The following IL12B variants were observed in gnomAD, a reference collection of about 807,000 sequenced individuals.
The protein encoded by IL12B is interleukin-12 subunit beta.
Under a neutral mutation model 39.2 loss-of-function variants are expected in IL12B, and 27 were observed. That is an observed-to-expected ratio of 0.69 (90% CI 0.51 to 0.95). The LOEUF is 0.95. IL12B is among the 40% of genes least tolerant of loss of function. The pLI, the probability that IL12B is intolerant of heterozygous loss-of-function variation, is 0.00. For missense variants in IL12B, 351 were observed against 397.6 expected (o/e 0.88, Z 1.00); for synonymous variants, 142 against 152.1 (o/e 0.93, Z 0.49).
chr5:159,322,595 T>G, intron 3 of IL12B, 84 bp from the exon 4 acceptor site: 1 of 886,138 alleles, frequency 1.1e-6, no homozygotes, highest in South Asian at 1.3e-5. Flanking sequence ...GATCACCAGA[T>G]GGTACAGGGT....
At chr5:159,324,610 G>T (rs1158549053) in intron 2 of IL12B, among the ~76,000 whole-genome samples, 1 of 152,212 alleles carries the variant, frequency 6.6e-6, no homozygotes, top group African/African-American at 2.4e-5. Flanking sequence ...GAGTGGCAGA[G>T]GCCTGGATTT....
intron 1 of IL12B, among the ~76,000 whole-genome samples, chr5:159,329,995 T>G (rs1754250216): frequency 6.6e-6 from 1 of 152,162 alleles, no homozygotes; most frequent in Admixed American, 6.5e-5. Context: ...TTTGTAACAT[T>G]ATTATAATTA....
rs2113025980 is a variant in IL12B at position 159,320,370 on chromosome 5, C to T, written c.633G>A (p.Met211Ile). The T allele has an allele frequency of 6.2e-7, 1 of 1,614,166 alleles. No homozygotes were observed. The highest frequency in any genetic ancestry group is 8.5e-7 in the Non-Finnish European group (1 of 1,180,018). ...AAEESLPIEV[M>I]VDAVHKLKYE... The stretch of plus-strand genomic sequence containing the variant: ...ACTTGAGCTTGTGAACGGCATCCAC[C>T]ATGACCTCAATGGGCAGACTCTCCT... The change falls in exon 5 of 8, where the codon ATG becomes ATA. Residue 211 changes from methionine (M) to isoleucine (I), a missense_variant. Transcript: ENST00000231228.
At chr5:159,325,407 G>A (rs1754168413) in intron 2 of IL12B, 1 of 152,180 alleles carries the variant, frequency 6.6e-6, no homozygotes, top group Admixed American at 6.5e-5. Context: ...TGAGAAGAGA[G>A]GAGTGGTCCC....
intron 2 of IL12B, 91 bp downstream of exon 2, chr5:159,326,604 G>T: frequency 1.2e-6 from 1 of 858,138 alleles, no homozygotes; most frequent in Non-Finnish European, 2.0e-6. Flanking sequence ...GTGCATGGTT[G>T]CCCATTTCAG....
In IL12B at chr5:159,328,831, T is replaced by C. The variant is rs1754232364; in HGVS notation, c.-1+1601A>G. ...GTCAAGGGAACCCCGGCCATGGTTC[T>C]AAGAAGCAACTCCCATTTTAGTATC... On this transcript the variant is annotated intron_variant, in intron 1 of 7. Transcript: ENST00000231228. 2.0e-5 allele frequency among the ~76,000 whole-genome samples: 3 copies of C among 152,190 alleles called. No homozygotes were observed. The South Asian group carries it at 6.2e-4, about 31-fold the overall frequency.
chr5:159,323,987 A>G (rs1031305031), intron 2 of IL12B, among the ~76,000 whole-genome samples: 1 of 151,852 alleles, frequency 6.6e-6, no homozygotes, highest in African/African-American at 2.4e-5. Context: ...TTATAGACTG[A>G]GGAGTCAGCC....
intron 7 of IL12B, 38 bp downstream of exon 7, chr5:159,316,647 G>GAGTGC (rs760598277): frequency 1.3e-6 from 2 of 1,591,134 alleles, no homozygotes; most frequent in Admixed American, 3.5e-5. Flanking sequence ...GGTGCACTGA[G>GAGTGC]AGTGCAGGCC....
intron 2 of IL12B, among the ~76,000 whole-genome samples, chr5:159,324,758 G>A (rs868550197): frequency 1.3e-5 from 2 of 152,326 alleles, no homozygotes; most frequent in South Asian, 2.1e-4. Flanking sequence ...GATTATATAA[G>A]CTCATACACA....
chr5:159,324,139 T>A (rs1160352524), intron 2 of IL12B, among the ~76,000 whole-genome samples: 1 of 152,030 alleles, frequency 6.6e-6, no homozygotes, highest in Non-Finnish European at 1.5e-5. Context: ...CTTACACTCT[T>A]ATGAAGCAGT....
intron 2 of IL12B, among the ~76,000 whole-genome samples, chr5:159,323,982 G>C (rs559440397): frequency 6.6e-6 from 1 of 151,322 alleles, no homozygotes; most frequent in Non-Finnish European, 1.5e-5. Context: ...GTTACTTATA[G>C]ACTGAGGAGT....
At chr5:159,318,396 A>G (rs1431421874) in intron 6 of IL12B, among the ~76,000 whole-genome samples, 1 of 152,156 alleles carries the variant, frequency 6.6e-6, no homozygotes, top group Non-Finnish European at 1.5e-5. Flanking sequence ...ATAATATTGT[A>G]TTTTTGCTAT....
At chr5:159,327,800 A>T (rs1032046258) in intron 1 of IL12B, among the ~76,000 whole-genome samples, 1 of 152,208 alleles carries the variant, frequency 6.6e-6, no homozygotes, top group African/African-American at 2.4e-5. Context: ...AAATAGTAAA[A>T]TGCATAATTT....
chr5:159,323,049 A>G lies in IL12B; in HGVS notation c.364+5T>C, dbSNP rs1272265094. 2 of 1,613,906 alleles carry G rather than the reference A, an allele frequency of 1.2e-6. No individual in the cohort carries two copies. The highest frequency in any genetic ancestry group is 1.1e-5 in the South Asian group (1 of 91,078). ...AATTGATACTATCCAAGGGTATAGA[A>G]TTACCTTTCTGGTCCTTTAAAATAT... On this transcript the variant is annotated splice_donor_5th_base_variant and intron_variant, in intron 3 of 7. Coordinates refer to ENST00000231228, the MANE Select transcript of IL12B (RefSeq NM_002187.3).
rs373033891 is a variant in IL12B, at chr5:159,320,903, C to A, written c.483-383G>T. Reference sequence around the variant, plus strand: ...CCATATAAAGGAAAGAAGTGTATGTCTCCTTCATCCTTAACTGCTCTCCAC... The same window carrying A: ...CCATATAAAGGAAAGAAGTGTATGTATCCTTCATCCTTAACTGCTCTCCAC... On this transcript the variant is annotated intron_variant, in intron 4 of 7. Coordinates refer to ENST00000231228, the MANE Select transcript of IL12B (RefSeq NM_002187.3). Among the ~76,000 whole-genome samples, 41 of 152,198 alleles carry A rather than the reference C, an allele frequency of 2.7e-4. No individual in the cohort carries two copies. In the East Asian group the frequency reaches 7.5e-3, roughly 28 times the overall value.
At chr5:159,326,039 A>C (rs1377652580) in intron 2 of IL12B, among the ~76,000 whole-genome samples, 1 of 152,210 alleles carries the variant, frequency 6.6e-6, no homozygotes, top group Non-Finnish European at 1.5e-5. Flanking sequence ...TAAACAACCA[A>C]AATAGTAATA....
In IL12B at chr5:159,316,768, T is replaced by G; in HGVS notation, c.904A>C (p.Lys302Gln). ...DKTSATVICR[K>Q]NASISVRAQD... ...GCCCGCACGCTAATGCTGGCATTTT[T>G]GCGGCAGATGACCGTGGCTGAGGTC... The change falls in exon 7 of 8, where the codon AAA becomes CAA. Residue 302 changes from lysine (K) to glutamine (Q), a missense_variant. Physicochemically the swap from Lys to Gln is moderately conservative, Grantham distance 53. Coordinates refer to ENST00000231228, the MANE Select transcript of IL12B (RefSeq NM_002187.3). 6.2e-7 allele frequency: 1 copy of G among 1,614,156 alleles called. No individual in the cohort carries two copies. The highest frequency in any genetic ancestry group is 8.5e-7 in the Non-Finnish European group (1 of 1,180,032).
intron 6 of IL12B, among the ~76,000 whole-genome samples, chr5:159,317,162 G>T (rs1430992716): frequency 6.6e-6 from 1 of 152,200 alleles, no homozygotes; most frequent in Non-Finnish European, 1.5e-5. Context: ...CTGAGATATT[G>T]AGAAATACCA....
intron 2 of IL12B, among the ~76,000 whole-genome samples, chr5:159,324,407 T>C (rs1316503928): frequency 6.6e-6 from 1 of 152,236 alleles, no homozygotes; most frequent in Non-Finnish European, 1.5e-5. Flanking sequence ...AATTGTTTAA[T>C]GTAGTAGTTC....
Sources: gnomAD v4.1 joint callset for allele counts (sites outside exome capture counted in the v4.1 genomes callset) on GRCh38, gnomAD v4.1.1 for gene constraint, MANE v1.5 for transcripts, NCBI Gene and HGNC (gene_info 2026-07-23, HGNC 2026-07-21) for gene names.